Variants in NTRK1 observed in about 807,000 individuals in gnomAD.
NTRK1 encodes the protein neurotrophic receptor tyrosine kinase 1.
A neutral mutation model predicts 86.8 loss-of-function variants in NTRK1; 62 were observed. That is an observed-to-expected ratio of 0.71 (90% confidence interval 0.58 to 0.88). The LOEUF is 0.88. NTRK1 is among the 40% of genes least tolerant of loss of function. The pLI is 0.00. For missense variants in NTRK1, 967 were observed against 1,078.4 expected (o/e 0.90, Z 1.45); for synonymous variants, 469 against 456.6 (o/e 1.03, Z -0.35).
At chr1:156,824,066 G>A (rs1044222681) in intron 1 of NTRK1, among the ~76,000 whole-genome samples, 1 of 152,198 alleles carries the variant, frequency 6.6e-6, no homozygotes. Context: ...TCCTGGCCCT[G>A]CCATACCCAA....
chr1:156,824,554 C>A (rs761465605), intron 1 of NTRK1, among the ~76,000 whole-genome samples: 1 of 152,182 alleles, frequency 6.6e-6, no homozygotes, highest in Non-Finnish European at 1.5e-5. Context: ...GGACGTCCAA[C>A]CTTATGACCC....
At chr1:156,819,142 A>T (rs1654114736) in intron 1 of NTRK1, among the ~76,000 whole-genome samples, 3 of 152,114 alleles carry the variant, frequency 2.0e-5, no homozygotes, top group African/African-American at 2.4e-5. Context: ...AGCTGGGACT[A>T]CAGGTGAGCA....
intron 1 of NTRK1, among the ~76,000 whole-genome samples, chr1:156,862,849 C>T (rs1406940864): frequency 1.3e-5 from 2 of 151,968 alleles, no homozygotes; most frequent in Non-Finnish European, 2.9e-5. Flanking sequence ...TGGCCTCCCT[C>T]GGAGTCAGTG....
intron 1 of NTRK1, among the ~76,000 whole-genome samples, chr1:156,823,142 G>A (rs1387154142): frequency 6.6e-6 from 1 of 152,190 alleles, no homozygotes; most frequent in Non-Finnish European, 1.5e-5. Flanking sequence ...ATGGTCAAGG[G>A]AAGCATGCAT....
At chr1:156,862,652 T>C (rs1351464427) in intron 1 of NTRK1, among the ~76,000 whole-genome samples, 3 of 151,884 alleles carry the variant, frequency 2.0e-5, no homozygotes, top group African/African-American at 4.8e-5. Context: ...AACGAGGAGA[T>C]AATGGACTCG....
intron 2 of NTRK1, among the ~76,000 whole-genome samples, chr1:156,849,955 T>A (rs967708962): frequency 5.3e-5 from 8 of 151,514 alleles, no homozygotes; most frequent in Admixed American, 5.3e-4. Flanking sequence ...CAGGCCAGAG[T>A]GCAGTGGCAC....
chr1:156,822,438 T>C (rs1331003887), intron 1 of NTRK1, among the ~76,000 whole-genome samples: 1 of 152,100 alleles, frequency 6.6e-6, no homozygotes, highest in Admixed American at 6.5e-5. Context: ...GTGTGCTACT[T>C]GTAGTCCCAG....
At chr1:156,850,473 A>G (rs1041396382) in intron 2 of NTRK1, among the ~76,000 whole-genome samples, 1 of 150,674 alleles carries the variant, frequency 6.6e-6, no homozygotes. Flanking sequence ...TTGCCCTCCC[A>G]AAGTGCAGAG....
Position 156,873,600 on chromosome 1 carries a change from T to A in NTRK1, c.851-33T>A, listed in dbSNP as rs80356674. The A allele has an allele frequency of 1.1e-5, 18 of 1,596,080 alleles. No homozygotes were observed. In the East Asian group the frequency reaches 4.0e-4, roughly 36 times the overall value. ...TGCCAGGCTCCCTCCAGCTGCGCCCTGACCTCCTGCTGTTGCTCTTTCTGG... is the reference window on the plus strand; with the variant it reads ...TGCCAGGCTCCCTCCAGCTGCGCCCAGACCTCCTGCTGTTGCTCTTTCTGG... On this transcript the variant is annotated intron_variant, in intron 7 of 16. Transcript: ENST00000524377.
At chr1:156,843,190 C>A in intron 2 of NTRK1, 1 of 1,614,116 alleles carries the variant, frequency 6.2e-7, no homozygotes. Flanking sequence ...CCCGGATTAT[C>A]GAGATCTGCT....
rs530024359 is a variant in NTRK1, at chr1:156,827,225, G to A, written c.-64+11387G>A. Among the ~76,000 whole-genome samples the A allele has an allele frequency of 2.0e-3, 302 of 151,498 alleles. 5 individuals are homozygous for A. The highest frequency in any genetic ancestry group is 7.2e-3 in the African/African-American group (296 of 41,256). ...GCTTCCCAAATAGCCGGGACCACAG[G>A]TGCATGCCACCACACCCAATTAATT... On this transcript the variant is annotated intron_variant, in intron 1 of 16. Transcript: ENST00000392302.
At position 156,861,134 on chromosome 1, in the gene NTRK1, A is replaced by G. The variant is rs1655628671; in HGVS notation, c.200A>G (p.Asn67Ser). Reference protein sequence around the residue: ...DSLHHLPGAENLTELYIENQQ... With the variant: ...DSLHHLPGAESLTELYIENQQ... ...CTCCACCACCTGCCCGGCGCAGAGAACCTGACTGAGCTGTGAGTGTCCGGC... is the reference window on the plus strand; with the variant it reads ...CTCCACCACCTGCCCGGCGCAGAGAGCCTGACTGAGCTGTGAGTGTCCGGC... The change falls in exon 1 of 17, where the codon AAC becomes AGC. Residue 67 changes from asparagine to serine, a missense_variant. Physicochemically the swap from Asn to Ser is conservative, Grantham distance 46. Around this residue, in one of 2 missense-constraint regions of NTRK1, gnomAD observed 330 missense variants for 302.0 expected, o/e 1.09. Coordinates refer to ENST00000524377, the MANE Select transcript of NTRK1 (RefSeq NM_002529.4). 1 of 1,577,994 alleles carries G rather than the reference A, an allele frequency of 6.3e-7. No homozygotes were observed. The highest frequency in any genetic ancestry group is 1.3e-5 in the African/African-American group (1 of 74,514).
chr1:156,846,604 C>T (rs766081248), intron 2 of NTRK1: 1 of 1,614,174 alleles, frequency 6.2e-7, no homozygotes, highest in South Asian at 1.1e-5. Context: ...TGATGGCCCG[C>T]ACAAACACTG....
intron 2 of NTRK1, chr1:156,846,675 G>A (rs1292373298): frequency 1.9e-6 from 3 of 1,614,184 alleles, no homozygotes; most frequent in Admixed American, 1.7e-5. Context: ...GTGCGGCTTA[G>A]GGGCAGCTCC....
rs766058911 is a variant in NTRK1, at chr1:156,841,444, G to C, written c.-63-637G>C. The C allele has an allele frequency of 5.0e-6, 8 of 1,613,788 alleles. No individual in the cohort carries two copies. The African/African-American group carries it at 6.7e-5, about 13-fold the overall frequency. On this transcript the variant is annotated intron_variant, in intron 1 of 16. Transcript: ENST00000392302. ...CCTCCAGGACCCCGCCATCCATGAC[G>C]AACTTCAGCACCTGCTCATTGGACA...
intron 2 of NTRK1, among the ~76,000 whole-genome samples, chr1:156,855,294 C>A (rs1042570931): frequency 3.9e-5 from 6 of 152,124 alleles, no homozygotes; most frequent in Non-Finnish European, 8.8e-5. Flanking sequence ...GCCTCCATCT[C>A]CTGAGTTCAA....
chr1:156,865,704 G>A (rs1475170965), intron 3 of NTRK1, among the ~76,000 whole-genome samples: 2 of 152,178 alleles, frequency 1.3e-5, no homozygotes, highest in Non-Finnish European at 2.9e-5. Context: ...AGGACAGAGA[G>A]GGTCATGGGA....
chr1:156,869,856 G>A (rs1000675802), intron 6 of NTRK1, among the ~76,000 whole-genome samples: 3 of 152,242 alleles, frequency 2.0e-5, no homozygotes, highest in African/African-American at 4.8e-5. Context: ...CAAAAAGCTG[G>A]CTCCACCTGG....
upstream of NTRK1, chr1:156,860,721 C>A: frequency 1.0e-6 from 1 of 971,324 alleles, no homozygotes. Flanking sequence ...CTGGGGGCCC[C>A]TAACAGGGGA....
Sources: allele counts gnomAD v4.1 joint callset (sites outside exome capture counted in the v4.1 genomes callset), GRCh38; gene constraint gnomAD v4.1.1; regional missense constraint gnomAD v4.1.1; transcripts MANE v1.5; gene names NCBI Gene and HGNC (gene_info 2026-07-23, HGNC 2026-07-21).